Variants in RNF152 observed in about 807,000 individuals in gnomAD.
RNF152 encodes ring finger protein 152.
Under a neutral mutation model 12.7 loss-of-function variants are expected in RNF152, and 11 were observed. That is an observed-to-expected ratio of 0.86 (90% CI 0.54 to 1.43). The LOEUF is 1.43. Ranked by LOEUF, RNF152 falls within the 40% of genes most tolerant of loss-of-function variation. The pLI is 0.00. For missense variants in RNF152, 255 were observed against 274.8 expected (o/e 0.93, Z 0.51); for synonymous variants, 113 against 120.3 (o/e 0.94, Z 0.40).
At chr18:61,838,341 G>A (rs1910283043) in intron 1 of RNF152, among the ~76,000 whole-genome samples, 1 of 152,090 alleles carries the variant, frequency 6.6e-6, no homozygotes, top group Admixed American at 6.5e-5. Flanking sequence ...CATTTGCTTT[G>A]GTGTGTTCAA....
At chr18:61,874,928 A>G (rs1452898795) in intron 1 of RNF152, 1 of 152,210 alleles carries the variant, frequency 6.6e-6, no homozygotes, top group Admixed American at 6.5e-5. Flanking sequence ...GTGAAAAAAA[A>G]ATAAGTAAGA....
chr18:61,845,740 T>C (rs1275005417), intron 1 of RNF152, among the ~76,000 whole-genome samples: 2 of 152,188 alleles, frequency 1.3e-5, no homozygotes, highest in African/African-American at 4.8e-5. Context: ...GCCCGAATAA[T>C]AGTACTCCTC....
At chr18:61,879,712 C>T (rs1912375665) in intron 1 of RNF152, among the ~76,000 whole-genome samples, 1 of 152,014 alleles carries the variant, frequency 6.6e-6, no homozygotes, top group Admixed American at 6.6e-5. Flanking sequence ...ACCTGTAATC[C>T]CAGCACTTTG....
chr18:61,855,795 G>C (rs1023747860), intron 1 of RNF152, among the ~76,000 whole-genome samples: 13 of 152,190 alleles, frequency 8.5e-5, no homozygotes, highest in Non-Finnish European at 1.8e-4. Flanking sequence ...GACAGAATGA[G>C]CCCAGCAGGT....
intron 1 of RNF152, among the ~76,000 whole-genome samples, chr18:61,892,488 A>G (rs1345484612): frequency 6.6e-6 from 1 of 152,196 alleles, no homozygotes; most frequent in Non-Finnish European, 1.5e-5. Context: ...GCAGGCATCT[A>G]TGGAAACCTA....
chr18:61,878,117 C>T (rs1055983667), intron 1 of RNF152, among the ~76,000 whole-genome samples: 1 of 152,228 alleles, frequency 6.6e-6, no homozygotes, highest in Non-Finnish European at 1.5e-5. Flanking sequence ...TTTCCATATA[C>T]ATCCCATTGG....
chr18:61,858,751 A>G (rs1911334817), intron 1 of RNF152, among the ~76,000 whole-genome samples: 1 of 152,100 alleles, frequency 6.6e-6, no homozygotes, highest in African/African-American at 2.4e-5. Flanking sequence ...ACCCCTGGCT[A>G]TTTACTTGAG....
chr18:61,860,646 T>G (rs1911430998), intron 1 of RNF152, among the ~76,000 whole-genome samples: 1 of 152,280 alleles, frequency 6.6e-6, no homozygotes, highest in Non-Finnish European at 1.5e-5. Context: ...TTTACTGTAC[T>G]ATATTTTTAT....
At chr18:61,888,745 A>G (rs887795099) in intron 1 of RNF152, 1 of 152,212 alleles carries the variant, frequency 6.6e-6, no homozygotes, top group Admixed American at 6.5e-5. Context: ...TGTGATTTCA[A>G]TCATGGAGTC....
chr18:61,844,138 G>GAAAGAAAGAAAGAA, intron 1 of RNF152, among the ~76,000 whole-genome samples: 1 of 127,992 alleles, frequency 7.8e-6, no homozygotes, highest in East Asian at 2.4e-4. Context: ...AAGAAAGAAA[G>GAAAGAAAGAAAGAA]AAATTAAGAG....
intron 1 of RNF152, among the ~76,000 whole-genome samples, chr18:61,818,447 A>T (rs1909221599): frequency 6.6e-6 from 1 of 152,148 alleles, no homozygotes. Flanking sequence ...ACAAAAAACA[A>T]AAAACAAGAA....
At chr18:61,855,959 G>A (rs539868843) in intron 1 of RNF152, among the ~76,000 whole-genome samples, 1 of 152,204 alleles carries the variant, frequency 6.6e-6, no homozygotes, top group South Asian at 2.1e-4. Context: ...ACTTTAATCT[G>A]ACCACGCCAT....
At chr18:61,854,212 G>A (rs944602439) in intron 1 of RNF152, among the ~76,000 whole-genome samples, 2 of 152,152 alleles carry the variant, frequency 1.3e-5, no homozygotes, top group Non-Finnish European at 2.9e-5. Flanking sequence ...CTCAGCCAAT[G>A]CACAGCAAAT....
chr18:61,811,819 A>G lies in RNF152; in HGVS notation c.*4033T>C, dbSNP rs527401837. On this transcript the variant is annotated 3_prime_UTR_variant, in exon 2 of 2. Coordinates refer to ENST00000312828, the MANE Select transcript of RNF152 (RefSeq NM_173557.3). ...CAGTACAGATCATGCATAGCTTGCA[A>G]GTCAAACGTTTTACAGGTACTGTCT... is the stretch of plus-strand genomic sequence containing the variant. The G allele has an allele frequency of 1.3e-5, 2 of 152,348 alleles. No homozygotes were observed. The highest frequency in any genetic ancestry group is 2.1e-4 in the South Asian group (1 of 4,826). The allele number at this position is 152,348 out of a possible 1,614,324, so 9.4% of individuals were successfully genotyped here.
intron 1 of RNF152, among the ~76,000 whole-genome samples, chr18:61,828,269 G>T (rs908227498): frequency 6.6e-6 from 1 of 152,034 alleles, no homozygotes; most frequent in Non-Finnish European, 1.5e-5. Context: ...AAGAGACGGG[G>T]TCTTGCTATG....
chr18:61,893,211 G>T (rs575229454), upstream of RNF152: 7 of 152,366 alleles, frequency 4.6e-5, no homozygotes, highest in African/African-American at 1.7e-4. Flanking sequence ...GGAGCAGGTG[G>T]GGAATAACAT....
rs1912804347 is a variant in RNF152 at position 61,808,578 on chromosome 18, A to C, written c.*7274T>G. On this transcript the variant is annotated 3_prime_UTR_variant, in exon 2 of 2. Transcript: ENST00000312828. ...TAGGGTGGGAGGAACCCTGGATTGC[A>C]GCTACATGGCTTATGTAGGGAGTTT... is the stretch of plus-strand genomic sequence containing the variant. 6.6e-6 allele frequency: 1 copy of C among 152,176 alleles called. No individual in the cohort carries two copies. The highest frequency in any genetic ancestry group is 6.5e-5 in the Admixed American group (1 of 15,276). 9.4% of individuals were successfully genotyped at this position (152,176 alleles called of 1,614,324 possible).
At position 61,837,650 on chromosome 18, in the gene RNF152, T is replaced by C. The variant is rs527795350; in HGVS notation, c.-135-21052A>G. On this transcript the variant is annotated intron_variant, in intron 1 of 1. Transcript: ENST00000312828. ...CTCCATTCCACTTGCTCAGTTGTTC[T>C]TTTTATTTCTAAGATACTTGATAGA... 3.8e-4 allele frequency among the ~76,000 whole-genome samples: 58 copies of C among 152,356 alleles called. 1 individual carries two copies. The Middle Eastern group carries it at 0.017, about 45-fold the overall frequency.
At chr18:61,892,343 C>T (rs1383060118) in intron 1 of RNF152, among the ~76,000 whole-genome samples, 1 of 152,164 alleles carries the variant, frequency 6.6e-6, no homozygotes, top group Non-Finnish European at 1.5e-5. Context: ...GTATTTCATA[C>T]GAAGGTCACT....
Sources: allele counts gnomAD v4.1 joint callset (sites outside exome capture counted in the v4.1 genomes callset), GRCh38; gene constraint gnomAD v4.1.1; transcripts MANE v1.5; gene names NCBI Gene and HGNC (gene_info 2026-07-23, HGNC 2026-07-21).